MGAT5: variants seen among roughly 807,000 people sequenced by gnomAD.
MGAT5 encodes alpha-1,6-mannosylglycoprotein 6-beta-N-acetylglucosaminyltransferase, also known as alpha-1,6-mannosylglycoprotein 6-beta-N-acetylglucosaminyltransferase A.
Under a neutral mutation model 94.3 loss-of-function variants are expected in MGAT5, and 30 were observed. The observed-to-expected ratio is 0.32, with a 90% CI of 0.24 to 0.43. The LOEUF is 0.43. Ranked by LOEUF, MGAT5 falls within the 20% of genes least tolerant of loss-of-function variation. MGAT5 has a pLI of 1.00. For synonymous variants in MGAT5, 310 were observed against 322.9 expected (o/e 0.96, Z 0.43); for missense variants, 691 against 905.5 (o/e 0.76, Z 3.04).
At chr2:134,435,195 A>G (rs1314373847) in intron 14 of MGAT5, among the ~76,000 whole-genome samples, 1 of 152,162 alleles carries the variant, frequency 6.6e-6, no homozygotes, top group African/African-American at 2.4e-5. Flanking sequence ...AGAGCATTCA[A>G]TTAGACCCCA....
Position 134,412,904 on chromosome 2 carries a change from A to G in MGAT5, c.1566A>G (p.Pro522=), listed in dbSNP as rs992283280. 1 of 1,614,016 alleles carries G rather than the reference A, an allele frequency of 6.2e-7. No individual in the cohort carries two copies. Among genetic ancestry groups the G allele is most frequent in the African/African-American group, 1.3e-5 (1 of 74,896 alleles). The stretch of plus-strand genomic sequence containing the variant: ...GACTTGGGTTCCCTTACGAGGGCCC[A>G]GCTCCCCTGGAAGCTATCGCAAATG... ...FVGLGFPYEG[P]APLEAIANGC... is the part of the protein sequence containing the mutation. The change falls in exon 12 of 16, where the codon CCA becomes CCG. Residue 522 remains proline (P), a synonymous_variant. Transcript: ENST00000281923.
rs374914892 is a variant in MGAT5, at chr2:134,237,148, T to TGTGTGTGTGTGTGTGC, written c.-142-17113_-142-17112insTGTGTGTGTGTGTGCG. Among the ~76,000 whole-genome samples, 96 of 140,828 alleles carry TGTGTGTGTGTGTGTGC rather than the reference T, an allele frequency of 6.8e-4. 1 individual carries two copies. The East Asian group carries it at 0.011, about 16-fold the overall frequency. 92.4% of individuals were successfully genotyped at this position (140,828 alleles called of 152,430 possible). On this transcript the variant is annotated intron_variant, in intron 1 of 16. Transcript: ENST00000409645. ...ATGTGTGTGTGTGTGTGTGTGTGTG[T>TGTGTGTGTGTGTGTGC]GCGCGTGTGTGTGAATTTTTACCCT... is the stretch of plus-strand genomic sequence containing the variant.
At position 134,423,125 on chromosome 2, in the gene MGAT5, G is replaced by C. The variant is rs1444870830; in HGVS notation, c.1794+206G>C. 1.1e-4 allele frequency among the ~76,000 whole-genome samples: 16 copies of C among 152,278 alleles called. No homozygotes were observed. The East Asian group carries it at 2.7e-3, about 26-fold the overall frequency. The stretch of plus-strand genomic sequence containing the variant: ...AAACAGAGCTGGTATCCCGATGTGG[G>C]CATGGATTCCATAGACCGTTTAGAC... On this transcript the variant is annotated intron_variant, in intron 13 of 15. Coordinates refer to ENST00000281923, the MANE Select transcript of MGAT5 (RefSeq NM_002410.5).
intron 10 of MGAT5, among the ~76,000 whole-genome samples, chr2:134,374,531 G>GCAT (rs1313859750): frequency 6.6e-6 from 1 of 152,202 alleles, no homozygotes; most frequent in Non-Finnish European, 1.5e-5. Context: ...TTGAGAATCG[G>GCAT]TGATAAACCA....
intron 9 of MGAT5, among the ~76,000 whole-genome samples, chr2:134,356,382 C>T (rs1283613750): frequency 6.6e-6 from 1 of 152,064 alleles, no homozygotes; most frequent in Non-Finnish European, 1.5e-5. Context: ...GGCTACAGAG[C>T]TGACTAAGCC....
chr2:134,292,318 T>A (rs1162300059), intron 2 of MGAT5, among the ~76,000 whole-genome samples: 1 of 152,176 alleles, frequency 6.6e-6, no homozygotes, highest in Non-Finnish European at 1.5e-5. Context: ...CTGACTCTGC[T>A]TCACATATAG....
At chr2:134,371,817 C>T (rs1452329740) in intron 10 of MGAT5, among the ~76,000 whole-genome samples, 1 of 152,076 alleles carries the variant, frequency 6.6e-6, no homozygotes, top group Non-Finnish European at 1.5e-5. Context: ...CTGACATGGC[C>T]CTCTGGAATA....
chr2:134,125,092 T>C (rs1325409927), intron 1 of MGAT5, among the ~76,000 whole-genome samples: 3 of 152,196 alleles, frequency 2.0e-5, no homozygotes, highest in Non-Finnish European at 4.4e-5. Context: ...TTTTATTATA[T>C]GTCTTGGTGG....
intron 4 of MGAT5, among the ~76,000 whole-genome samples, chr2:134,320,474 G>A (rs1468815762): frequency 6.6e-6 from 1 of 151,822 alleles, no homozygotes; most frequent in Non-Finnish European, 1.5e-5. Flanking sequence ...AATCAAAACC[G>A]GCTGGCTTCC....
chr2:134,412,185 C>T (rs1683706498), intron 11 of MGAT5, among the ~76,000 whole-genome samples: 1 of 152,150 alleles, frequency 6.6e-6, no homozygotes, highest in Admixed American at 6.5e-5. Flanking sequence ...TTGCTGCCAT[C>T]TATGGTCTGT....
chr2:134,434,560 T>C (rs1292715090), intron 14 of MGAT5, among the ~76,000 whole-genome samples: 1 of 152,260 alleles, frequency 6.6e-6, no homozygotes, highest in Non-Finnish European at 1.5e-5. Flanking sequence ...CTACTTCTGC[T>C]ACTGTCAAAG....
intron 4 of MGAT5, among the ~76,000 whole-genome samples, chr2:134,322,569 T>C (rs898058468): frequency 3.9e-5 from 6 of 152,196 alleles, no homozygotes; most frequent in Non-Finnish European, 8.8e-5. Context: ...GCTGCACGTA[T>C]GGACCCAGTG....
chr2:134,411,077 G>A lies in MGAT5; in HGVS notation c.1531-1792G>A, dbSNP rs149204036. ...ATTCCATAAAGCTGGGATGTCGTGG[G>A]ACTAGTACATTCCCACTGTTTCCTT... is the stretch of plus-strand genomic sequence containing the variant. On this transcript the variant is annotated intron_variant, in intron 11 of 15. Transcript: ENST00000281923. Among the ~76,000 whole-genome samples the A allele has an allele frequency of 1.9e-3, 295 of 152,286 alleles. 1 individual carries two copies. Among genetic ancestry groups the A allele is most frequent in the African/African-American group, 6.8e-3 (284 of 41,554 alleles).
At chr2:134,158,066 G>A (rs1381313244) in intron 1 of MGAT5, among the ~76,000 whole-genome samples, 4 of 152,190 alleles carry the variant, frequency 2.6e-5, no homozygotes, top group Admixed American at 1.3e-4. Context: ...GGAAGGAAGC[G>A]TGTGCTGATT....
At chr2:134,214,982 C>T (rs371793931) in intron 1 of MGAT5, among the ~76,000 whole-genome samples, 3 of 152,278 alleles carry the variant, frequency 2.0e-5, no homozygotes, top group Non-Finnish European at 2.9e-5. Flanking sequence ...ACAATCCCCA[C>T]GCCTCAATCC....
chr2:134,342,923 T>G (rs955413077), intron 7 of MGAT5, among the ~76,000 whole-genome samples: 5 of 152,150 alleles, frequency 3.3e-5, no homozygotes, highest in African/African-American at 1.2e-4. Context: ...TCCAATTCTA[T>G]TGGTGCTAAT....
intron 6 of MGAT5, among the ~76,000 whole-genome samples, chr2:134,339,532 T>G (rs1688514031): frequency 6.6e-6 from 1 of 152,228 alleles, no homozygotes; most frequent in Non-Finnish European, 1.5e-5. Context: ...ATGTGCTTCA[T>G]GCTACTGAAC....
chr2:134,377,091 A>G (rs1412961719), intron 10 of MGAT5, among the ~76,000 whole-genome samples: 4 of 152,246 alleles, frequency 2.6e-5, no homozygotes, highest in Admixed American at 2.6e-4. Flanking sequence ...CTAGTCAGCT[A>G]TGTCTGGGAA....
intron 15 of MGAT5, among the ~76,000 whole-genome samples, chr2:134,447,032 G>T (rs577329978): frequency 6.6e-6 from 1 of 152,324 alleles, no homozygotes; most frequent in Non-Finnish European, 1.5e-5. Context: ...GGCAGGAGTA[G>T]GAGAGAAAAT....
Sources: allele counts gnomAD v4.1 joint callset (sites outside exome capture counted in the v4.1 genomes callset), GRCh38; gene constraint gnomAD v4.1.1; transcripts MANE v1.5; gene names NCBI Gene and HGNC (gene_info 2026-07-23, HGNC 2026-07-21).